Variants in MACROH2A1 observed in about 807,000 individuals in gnomAD.
MACROH2A1 encodes the protein macroH2A.1 histone, also known as core histone macro-H2A.1.
MACROH2A1 carries 2 observed loss-of-function variants against 31.6 expected under a neutral mutation model. The observed-to-expected ratio is 0.06, with a 90% CI of 0.03 to 0.20. The LOEUF (loss-of-function observed/expected upper bound fraction) is 0.20, where lower values mean the gene tolerates loss of function less well. Ranked by LOEUF, MACROH2A1 falls within the 10% of genes least tolerant of loss-of-function variation. The probability of loss-of-function intolerance (pLI) is 1.00; values close to 1 mark genes in which losing one functional copy is unlikely to be tolerated. For synonymous variants in MACROH2A1, 169 were observed against 189.6 expected (o/e 0.89, Z 0.89); for missense variants, 230 against 474.0 (o/e 0.49, Z 4.78).
chr5:135,339,490 C>G (rs1184794417), intron 8 of MACROH2A1, among the ~76,000 whole-genome samples: 1 of 152,146 alleles, frequency 6.6e-6, no homozygotes, highest in Non-Finnish European at 1.5e-5. Context: ...TTAGGGACCT[C>G]AGAGAGTCAC....
intron 8 of MACROH2A1, among the ~76,000 whole-genome samples, chr5:135,338,267 A>C (rs1330148851): frequency 6.6e-6 from 1 of 152,222 alleles, no homozygotes; most frequent in Non-Finnish European, 1.5e-5. Context: ...TTAAGAGCTC[A>C]GGATTTCCCG....
intron 2 of MACROH2A1, among the ~76,000 whole-genome samples, chr5:135,376,660 A>G (rs1764916718): frequency 6.6e-6 from 1 of 152,172 alleles, no homozygotes; most frequent in Non-Finnish European, 1.5e-5. Flanking sequence ...AGCTCCTGTA[A>G]TTATCTGTAA....
Position 135,398,359 on chromosome 5 carries a change from T to C in MACROH2A1, c.-34+703A>G, listed in dbSNP as rs1044518812. On this transcript the variant is annotated intron_variant, in intron 1 of 8. Transcript: ENST00000511689. This position sits in a 1 kb window ranked among gnomAD's most constrained non-coding sequence, Gnocchi z 4.6. ...CCTACAGCCTTCCGGAGTTACCTTT[T>C]AAAAAAAGCAAACCCTTCCTACCAC... Among the ~76,000 whole-genome samples, 1 of 151,952 alleles carries C rather than the reference T, an allele frequency of 6.6e-6. No homozygotes were observed. The highest frequency in any genetic ancestry group is 6.6e-5 in the Admixed American group (1 of 15,258).
intron 5 of MACROH2A1, chr5:135,358,340 T>A: frequency 2.0e-6 from 2 of 985,426 alleles, no homozygotes; most frequent in Non-Finnish European, 2.4e-6. Context: ...GATGCTGCTT[T>A]ATTTTGGAAA....
chr5:135,351,071 GGGGGTGAGGACA>G, intron 6 of MACROH2A1: 1 of 546,724 alleles, frequency 1.8e-6, no homozygotes, highest in Non-Finnish European at 3.3e-6. Context: ...ACATGTGGAT[GGGGGTGAGGACA>G]GGAGGAGGAG....
intron 1 of MACROH2A1, among the ~76,000 whole-genome samples, chr5:135,396,890 T>C (rs563977826): frequency 4.6e-5 from 7 of 151,914 alleles, no homozygotes; most frequent in African/African-American, 1.7e-4. Context: ...GAATGAAGAG[T>C]TGACTCACTC....
At chr5:135,395,497 G>A (rs569401608) in intron 1 of MACROH2A1, among the ~76,000 whole-genome samples, 8 of 152,222 alleles carry the variant, frequency 5.3e-5, no homozygotes, top group East Asian at 1.9e-4. Context: ...ATAAATGCCC[G>A]CATATCCACA....
intron 1 of MACROH2A1, among the ~76,000 whole-genome samples, chr5:135,394,461 C>T (rs1767686664): frequency 6.6e-6 from 1 of 152,208 alleles, no homozygotes; most frequent in Non-Finnish European, 1.5e-5. Flanking sequence ...TTTGCAACAA[C>T]CAGAGATCCA....
chr5:135,343,179 A>C (rs1412573472), intron 8 of MACROH2A1, 81 bp downstream of exon 8: 1 of 1,603,532 alleles, frequency 6.2e-7, no homozygotes, highest in South Asian at 1.1e-5. Context: ...CCTTGCACAG[A>C]GTGAGAGCAC....
chr5:135,380,449 G>A (rs1345760090), intron 2 of MACROH2A1, among the ~76,000 whole-genome samples: 2 of 152,310 alleles, frequency 1.3e-5, no homozygotes, highest in South Asian at 4.1e-4. Flanking sequence ...ATTAAGGATG[G>A]CAGTGAAGGA....
At chr5:135,385,459 A>G (rs900239422) in intron 2 of MACROH2A1, among the ~76,000 whole-genome samples, 4 of 152,264 alleles carry the variant, frequency 2.6e-5, no homozygotes, top group Admixed American at 6.5e-5. Flanking sequence ...GGGACATCAC[A>G]GCTCTCAGCA....
intron 4 of MACROH2A1, among the ~76,000 whole-genome samples, chr5:135,363,945 T>C (rs1763167589): frequency 2.0e-5 from 3 of 152,256 alleles, no homozygotes; most frequent in African/African-American, 7.2e-5. Flanking sequence ...CATTTTTTCA[T>C]GTGTCTGTTG....
At chr5:135,343,516 T>G in intron 7 of MACROH2A1, 82 bp from the exon 8 acceptor site, 1 of 1,573,104 alleles carries the variant, frequency 6.4e-7, no homozygotes, top group African/African-American at 1.3e-5. Flanking sequence ...CCCACTCCCC[T>G]GCCACGGTAT....
intron 4 of MACROH2A1, among the ~76,000 whole-genome samples, chr5:135,366,691 G>A (rs1763546718): frequency 6.6e-6 from 1 of 152,100 alleles, no homozygotes; most frequent in Non-Finnish European, 1.5e-5. Context: ...AGTGTGCCCT[G>A]GGGAGAAGTA....
At chr5:135,339,507 A>G (rs1441396317) in intron 8 of MACROH2A1, among the ~76,000 whole-genome samples, 1 of 152,182 alleles carries the variant, frequency 6.6e-6, no homozygotes, top group African/African-American at 2.4e-5. Flanking sequence ...TCACAGCAGG[A>G]GAGGCTGTAT....
intron 5 of MACROH2A1, 162 bp from the exon 6 acceptor site, chr5:135,353,207 C>T (rs1406404353): frequency 2.2e-5 from 13 of 598,350 alleles, no homozygotes; most frequent in Non-Finnish European, 3.9e-5. Flanking sequence ...AAACATAAGA[C>T]TCAAATGCTG....
intron 7 of MACROH2A1, 171 bp downstream of exon 7, chr5:135,345,797 C>T: frequency 5.3e-6 from 3 of 561,658 alleles, no homozygotes; most frequent in East Asian, 5.7e-5. Context: ...TCCCAGACAA[C>T]CTGCATGTGG....
At chr5:135,362,372 A>G (rs929223062) in intron 4 of MACROH2A1, 4 of 152,242 alleles carry the variant, frequency 2.6e-5, no homozygotes, top group African/African-American at 9.6e-5. Context: ...ATGTAAATCT[A>G]ACACTATTCT....
intron 4 of MACROH2A1, among the ~76,000 whole-genome samples, chr5:135,368,573 A>G (rs1218463824): frequency 6.6e-6 from 1 of 152,260 alleles, no homozygotes; most frequent in Admixed American, 6.5e-5. Flanking sequence ...GGCAGCCTCA[A>G]GATTCCATTT....
Sources: gnomAD v4.1 joint callset for allele counts (sites outside exome capture counted in the v4.1 genomes callset) on GRCh38, gnomAD v4.1.1 for gene constraint, Gnocchi (gnomAD v3.1) non-coding constraint, MANE v1.5 for transcripts, NCBI Gene and HGNC (gene_info 2026-07-23, HGNC 2026-07-21) for gene names.